Variants in PRKG1 observed in about 807,000 individuals in gnomAD.
PRKG1 encodes cGMP-dependent protein kinase 1.
In PRKG1, 35 loss-of-function variants were observed where a neutral mutation model predicts 88.1. That is an observed-to-expected ratio of 0.40 (90% CI 0.30 to 0.53). The LOEUF is 0.53. Among genes scored for constraint, PRKG1 ranks in the 20% least tolerant of loss-of-function variants. The pLI, the probability that PRKG1 is intolerant of heterozygous loss-of-function variation, is 0.59. For missense variants in PRKG1, 540 were observed against 839.8 expected (o/e 0.64, Z 4.41); for synonymous variants, 303 against 292.5 (o/e 1.04, Z -0.37).
chr10:51,984,779 G>A (rs1376579673), intron 5 of PRKG1, among the ~76,000 whole-genome samples: 1 of 151,896 alleles, frequency 6.6e-6, no homozygotes. Context: ...TTTAGTTGGG[G>A]CCTAATCGTT....
intron 2 of PRKG1, among the ~76,000 whole-genome samples, chr10:51,213,136 T>TA (rs1047583469): frequency 6.6e-6 from 1 of 152,094 alleles, no homozygotes; most frequent in Admixed American, 6.6e-5. Context: ...TATGCAGCCA[T>TA]AAAAAAGGAT....
intron 12 of PRKG1, among the ~76,000 whole-genome samples, chr10:52,277,204 G>A (rs533699706): frequency 2.6e-5 from 4 of 152,140 alleles, no homozygotes; most frequent in African/African-American, 7.2e-5. Context: ...GCAATAAAAG[G>A]GTAATTTTGG....
chr10:51,578,789 T>C (rs1837952181), intron 3 of PRKG1, among the ~76,000 whole-genome samples: 1 of 152,124 alleles, frequency 6.6e-6, no homozygotes, highest in Admixed American at 6.6e-5. Context: ...AAGTTTACAT[T>C]AATTACAGTG....
intron 2 of PRKG1, among the ~76,000 whole-genome samples, chr10:51,254,031 G>A (rs79629224): frequency 0.04 from 6,009 of 152,004 alleles, 187 homozygotes; most frequent in African/African-American, 0.088. Context: ...AACTTTTAAT[G>A]TTTCAACTGA....
In PRKG1 at chr10:51,549,328, G is replaced by T. The variant is rs569454327; in HGVS notation, c.592+81492G>T. Among the ~76,000 whole-genome samples the T allele has an allele frequency of 6.6e-5, 10 of 151,278 alleles. No homozygotes were observed. In the East Asian group the frequency reaches 2.0e-3, roughly 30 times the overall value. On this transcript the variant is annotated intron_variant, in intron 3 of 17. Transcript: ENST00000373980. The stretch of plus-strand genomic sequence containing the variant: ...TTTAGTAGAGACAGGATTTCACCAT[G>T]TTAGCCGGGATGGTCTCGATCTCCT...
chr10:52,043,826 A>C (rs10823998), intron 5 of PRKG1, among the ~76,000 whole-genome samples: 1 of 150,952 alleles, frequency 6.6e-6, no homozygotes, highest in Non-Finnish European at 1.5e-5. Context: ...TACATCAATT[A>C]AAAGAAAAAC....
At chr10:52,077,136 C>T (rs972823177) in intron 7 of PRKG1, among the ~76,000 whole-genome samples, 7 of 151,850 alleles carry the variant, frequency 4.6e-5, no homozygotes, top group Admixed American at 3.3e-4. Context: ...TATTTAATAT[C>T]TCCAAATTTG....
At position 52,118,379 on chromosome 10, in the gene PRKG1, C is replaced by A. The variant is rs188543623; in HGVS notation, c.936-15461C>A. Among the ~76,000 whole-genome samples, 4 of 151,924 alleles carry A rather than the reference C, an allele frequency of 2.6e-5. No homozygotes were observed. The South Asian group carries it at 8.3e-4, about 32-fold the overall frequency. ...TATTTAGATATTTAAGCTATAAATA[C>A]TTAAGGAAACTTTTAATGCATACAT... On this transcript the variant is annotated intron_variant, in intron 7 of 17. Transcript: ENST00000373980.
chr10:51,253,989 A>G (rs1200655307), intron 2 of PRKG1, among the ~76,000 whole-genome samples: 1 of 152,040 alleles, frequency 6.6e-6, no homozygotes, highest in Non-Finnish European at 1.5e-5. Flanking sequence ...AACTATGATC[A>G]TTATGGATAA....
chr10:52,034,275 T>G (rs1185786012), intron 5 of PRKG1, among the ~76,000 whole-genome samples: 3 of 146,212 alleles, frequency 2.1e-5, no homozygotes, highest in African/African-American at 7.7e-5. Flanking sequence ...GCGGCAAAAA[T>G]TTTTGGGTGG....
chr10:51,942,439 A>G (rs1369105869), intron 5 of PRKG1, among the ~76,000 whole-genome samples: 1 of 150,768 alleles, frequency 6.6e-6, no homozygotes, highest in Non-Finnish European at 1.5e-5. Context: ...TTTGCTGTGC[A>G]GAAGCTCTTT....
intron 7 of PRKG1, among the ~76,000 whole-genome samples, chr10:52,077,335 A>G (rs1016609886): frequency 2.0e-5 from 3 of 151,954 alleles, no homozygotes; most frequent in Admixed American, 6.6e-5. Flanking sequence ...TAAAAAAAGT[A>G]CATGCTGTAT....
chr10:51,242,408 G>T (rs1324835863), intron 2 of PRKG1, among the ~76,000 whole-genome samples: 3 of 152,160 alleles, frequency 2.0e-5, no homozygotes, highest in Non-Finnish European at 4.4e-5. Context: ...ATTGGATAGG[G>T]TATAATACTA....
chr10:50,993,223 G>T (rs1185462624), intron 1 of PRKG1, among the ~76,000 whole-genome samples: 1 of 152,196 alleles, frequency 6.6e-6, no homozygotes, highest in African/African-American at 2.4e-5. Context: ...GAGAAAAACA[G>T]GAATCAGGCA....
chr10:51,066,880 A>C (rs1843757169), intron 1 of PRKG1, among the ~76,000 whole-genome samples: 1 of 151,950 alleles, frequency 6.6e-6, no homozygotes, highest in East Asian at 1.9e-4. Context: ...TCTTTAGTTC[A>C]CATTCTGAGG....
intron 9 of PRKG1, among the ~76,000 whole-genome samples, chr10:52,217,911 T>C (rs1840150795): frequency 6.6e-6 from 1 of 152,088 alleles, no homozygotes; most frequent in Admixed American, 6.5e-5. Flanking sequence ...AGGAAATTAA[T>C]GGTTTAGAAA....
intron 2 of PRKG1, among the ~76,000 whole-genome samples, chr10:51,361,345 G>A (rs1003028885): frequency 1.3e-5 from 2 of 151,760 alleles, no homozygotes; most frequent in Non-Finnish European, 2.9e-5. Flanking sequence ...TACTCGCTTG[G>A]CATTTGTAAT....
intron 3 of PRKG1, among the ~76,000 whole-genome samples, chr10:51,671,081 T>C (rs1840562236): frequency 6.6e-6 from 1 of 152,210 alleles, no homozygotes. Flanking sequence ...CTTTCTAAAG[T>C]ATATTTTTAG....
chr10:51,473,254 C>T (rs1359699601), intron 3 of PRKG1, among the ~76,000 whole-genome samples: 1 of 151,848 alleles, frequency 6.6e-6, no homozygotes, highest in African/African-American at 2.4e-5. Context: ...AATGATGCTA[C>T]ATAACAGACT....
Sources: gnomAD v4.1 joint callset for allele counts (sites outside exome capture counted in the v4.1 genomes callset) on GRCh38, gnomAD v4.1.1 for gene constraint, MANE v1.5 for transcripts, NCBI Gene and HGNC (gene_info 2026-07-23, HGNC 2026-07-21) for gene names.